Variants in CYRIB observed in about 807,000 individuals in gnomAD.
The protein encoded by CYRIB is CYFIP related Rac1 interactor B, also known as CYFIP-related Rac1 interactor B.
CYRIB carries 8 observed loss-of-function variants against 44.2 expected under a neutral mutation model. That is an observed-to-expected ratio of 0.18 (90% CI 0.11 to 0.33). The LOEUF is 0.33. Among genes scored for constraint, CYRIB ranks in the 10% least tolerant of loss-of-function variants. The probability of loss-of-function intolerance (pLI) is 1.00; values close to 1 mark genes in which losing one functional copy is unlikely to be tolerated. For synonymous variants in CYRIB, 131 were observed against 127.2 expected, an observed-to-expected ratio of 1.03 and a Z score of -0.20; for missense variants, 185 against 382.8, an observed-to-expected ratio of 0.48 and a Z score of 4.31.
chr8:129,902,979 T>C (rs298614), intron 2 of CYRIB: 57,135 of 152,292 alleles, frequency 0.38, 12,847 homozygotes, highest in East Asian at 0.55. Context: ...TATATGTACA[T>C]ATATATACTT....
intron 1 of CYRIB, among the ~76,000 whole-genome samples, chr8:129,926,972 T>C (rs1381596226): frequency 7.2e-5 from 11 of 152,198 alleles, no homozygotes; most frequent in Admixed American, 7.2e-4. Context: ...GCTGCATTCA[T>C]AGAGCACACA....
At chr8:129,917,714 G>C (rs527318371) in intron 1 of CYRIB, among the ~76,000 whole-genome samples, 5 of 151,960 alleles carry the variant, frequency 3.3e-5, no homozygotes, top group African/African-American at 7.3e-5. Context: ...AAAATTCGCC[G>C]GGCATGGTGG....
intron 9 of CYRIB, chr8:129,850,546 CA>C: frequency 2.7e-6 from 1 of 368,610 alleles, no homozygotes. Flanking sequence ...TCCCAGCCAC[CA>C]AAACACCACC....
At position 129,848,101 on chromosome 8, in the gene CYRIB, C is replaced by T. The variant is rs555963284; in HGVS notation, c.840+1142G>A. ...GATTACAGGCATAAACCACTGCACC[C>T]GGCCTACTAGCAATTCTATTACTTG... On this transcript the variant is annotated intron_variant, in intron 10 of 11. Transcript: ENST00000519824. Among the ~76,000 whole-genome samples the T allele has an allele frequency of 5.9e-5, 9 of 152,292 alleles. No individual in the cohort carries two copies. The South Asian group carries it at 1.7e-3, about 28-fold the overall frequency.
chr8:129,957,790 C>T (rs936273714), intron 2 of CYRIB, among the ~76,000 whole-genome samples: 1 of 151,780 alleles, frequency 6.6e-6, no homozygotes, highest in African/African-American at 2.4e-5. Flanking sequence ...ATGGTGAAAC[C>T]CCGTCTCTAC....
intron 2 of CYRIB, chr8:129,970,683 A>T (rs1049841768): frequency 5.3e-5 from 8 of 152,114 alleles, no homozygotes; most frequent in Non-Finnish European, 1.2e-4. Flanking sequence ...CACTGCGCCC[A>T]GCCTATAGTT....
At chr8:129,861,955 T>G (rs1473062000) in intron 5 of CYRIB, among the ~76,000 whole-genome samples, 1 of 152,196 alleles carries the variant, frequency 6.6e-6, no homozygotes, top group East Asian at 1.9e-4. Flanking sequence ...ACTTTTGTGT[T>G]CTTAAAATCA....
chr8:129,919,808 T>C (rs890815389), intron 1 of CYRIB, among the ~76,000 whole-genome samples: 3 of 152,132 alleles, frequency 2.0e-5, no homozygotes, highest in Non-Finnish European at 4.4e-5. Flanking sequence ...TTGTTAACAA[T>C]GGGGTAACAT....
chr8:129,851,206 G>A, intron 8 of CYRIB: 1 of 319,984 alleles, frequency 3.1e-6, no homozygotes, highest in Non-Finnish European at 5.8e-6. Flanking sequence ...TATAGGCTAT[G>A]AAATAGTTGG....
At chr8:129,869,124 G>A (rs534793362) in intron 4 of CYRIB, among the ~76,000 whole-genome samples, 4 of 150,924 alleles carry the variant, frequency 2.7e-5, no homozygotes, top group Non-Finnish European at 4.4e-5. Flanking sequence ...GGTGGTTCAC[G>A]CCTGTAATCC....
chr8:129,999,486 C>A (rs992062227), intron 1 of CYRIB, among the ~76,000 whole-genome samples: 1 of 152,258 alleles, frequency 6.6e-6, no homozygotes, highest in African/African-American at 2.4e-5. Context: ...AATTGACACC[C>A]TCAGGTGATG....
chr8:129,985,050 G>A (rs185811557), intron 1 of CYRIB, among the ~76,000 whole-genome samples: 123 of 152,274 alleles, frequency 8.1e-4, no homozygotes, highest in African/African-American at 2.9e-3. Flanking sequence ...GATTACAGGC[G>A]TGAGCCACCA....
upstream of CYRIB, among the ~76,000 whole-genome samples, chr8:129,943,235 A>G (rs935717250): frequency 7.2e-5 from 11 of 152,012 alleles, no homozygotes; most frequent in African/African-American, 2.7e-4. Context: ...GACTCGTTGT[A>G]ATTCAGAAGG....
intron 2 of CYRIB, among the ~76,000 whole-genome samples, chr8:129,947,180 C>T (rs1005611317): frequency 1.2e-4 from 19 of 152,114 alleles, no homozygotes; most frequent in East Asian, 7.7e-4. Flanking sequence ...GCCTCAGCCT[C>T]CCAAGTGGCT....
rs1362588769 is a variant in CYRIB, at chr8:129,932,650, A to T, written c.-50+6958T>A. On this transcript the variant is annotated intron_variant, in intron 1 of 11. Coordinates refer to ENST00000519824, the Ensembl canonical transcript of CYRIB. Reference sequence around the variant, plus strand: ...TCATGTCTTCTACCAGATTCCATGAAAATATGGCAGGATAATTTATTAGCT... The same window carrying T: ...TCATGTCTTCTACCAGATTCCATGATAATATGGCAGGATAATTTATTAGCT... 2.0e-5 allele frequency among the ~76,000 whole-genome samples: 3 copies of T among 152,314 alleles called. No homozygotes were observed. The East Asian group carries it at 5.8e-4, about 29-fold the overall frequency.
At chr8:129,975,032 C>T (rs2095858559) in intron 1 of CYRIB, among the ~76,000 whole-genome samples, 1 of 152,072 alleles carries the variant, frequency 6.6e-6, no homozygotes, top group Non-Finnish European at 1.5e-5. Context: ...AGGCACCTGC[C>T]AGCACGCCCA....
At chr8:129,996,600 A>G (rs941430027) in intron 1 of CYRIB, among the ~76,000 whole-genome samples, 2 of 152,170 alleles carry the variant, frequency 1.3e-5, no homozygotes, top group Non-Finnish European at 2.9e-5. Flanking sequence ...CATTTATCTC[A>G]GAGAGCTTGA....
chr8:129,957,543 T>A (rs1450678001), intron 2 of CYRIB, among the ~76,000 whole-genome samples: 4 of 152,300 alleles, frequency 2.6e-5, no homozygotes, highest in Admixed American at 2.6e-4. Context: ...ATTTCAAATT[T>A]TTTTATTGCC....
At chr8:129,923,822 G>A (rs1182920788) in intron 1 of CYRIB, among the ~76,000 whole-genome samples, 1 of 148,160 alleles carries the variant, frequency 6.7e-6, no homozygotes, top group African/African-American at 2.5e-5. Flanking sequence ...CACTTAATAG[G>A]GAATATTTGC....
Sources: allele counts gnomAD v4.1 joint callset (sites outside exome capture counted in the v4.1 genomes callset), GRCh38; gene constraint gnomAD v4.1.1; transcripts MANE v1.5; gene names NCBI Gene and HGNC (gene_info 2026-07-23, HGNC 2026-07-21).